The following VAV2 variants were observed in gnomAD, a reference collection of about 807,000 sequenced individuals.
VAV2 encodes vav guanine nucleotide exchange factor 2.
Under a neutral mutation model 132.5 loss-of-function variants are expected in VAV2, and 67 were observed. That is an observed-to-expected ratio of 0.51 (90% CI 0.42 to 0.62). VAV2 has a LOEUF of 0.62. Ranked by LOEUF, VAV2 falls within the 20% of genes least tolerant of loss-of-function variation. The pLI, the probability that VAV2 is intolerant of heterozygous loss-of-function variation, is 0.00. For synonymous variants in VAV2, 492 were observed against 443.5 expected (o/e 1.11, Z -1.37); for missense variants, 938 against 1,153.6 (o/e 0.81, Z 2.71).
At chr9:133,872,140 C>T (rs182229351) in intron 2 of VAV2, among the ~76,000 whole-genome samples, 9 of 152,278 alleles carry the variant, frequency 5.9e-5, no homozygotes, top group African/African-American at 1.9e-4. Context: ...TAGCTGTGAA[C>T]GGGACACTGG....
intron 4 of VAV2, among the ~76,000 whole-genome samples, chr9:133,817,918 A>G (rs559502421): frequency 6.6e-6 from 1 of 152,300 alleles, no homozygotes; most frequent in South Asian, 2.1e-4. Context: ...GCTAAGGACT[A>G]CCCAGAGAGC....
chr9:133,780,733 G>A (rs906271004), intron 19 of VAV2, 23 bp from the exon 20 acceptor site: 2 of 1,268,722 alleles, frequency 1.6e-6, no homozygotes, highest in Admixed American at 4.2e-5. Flanking sequence ...CAGGTCAGGT[G>A]TTAGAGGGGA....
At position 133,956,584 on chromosome 9, in the gene VAV2, G is replaced by A. The variant is rs77757115; in HGVS notation, c.205-17365C>T. 4.8e-3 allele frequency among the ~76,000 whole-genome samples: 730 copies of A among 152,314 alleles called. 3 individuals are homozygous for A. The highest frequency in any genetic ancestry group is 0.017 in the African/African-American group (694 of 41,558). ...AGTCCTGGGAATGTATAAAAAGCAC[G>A]CAGCCAGTTAGTTCCTGAGAAGTCA... On this transcript the variant is annotated intron_variant, in intron 1 of 29. Transcript: ENST00000371850.
intron 13 of VAV2, 145 bp downstream of exon 13, chr9:133,791,638 C>A: frequency 3.0e-6 from 2 of 674,036 alleles, no homozygotes; most frequent in Non-Finnish European, 5.2e-6. Flanking sequence ...TGAGATCAAA[C>A]TCAGAAGTTG....
rs115213135 is a variant in VAV2, at chr9:133,974,535, C to T, written c.204+17540G>A. On this transcript the variant is annotated intron_variant, in intron 1 of 29. Coordinates refer to ENST00000371850, the MANE Select transcript of VAV2 (RefSeq NM_001134398.2). Reference sequence around the variant, plus strand: ...GTGTCAGGTGTGACCACTCCACATCCACCCGGGGGACGGGGAGTGCACCAC... The same window carrying T: ...GTGTCAGGTGTGACCACTCCACATCTACCCGGGGGACGGGGAGTGCACCAC... 3.6e-3 allele frequency among the ~76,000 whole-genome samples: 554 copies of T among 152,304 alleles called. 4 individuals are homozygous for T. The highest frequency in any genetic ancestry group is 0.012 in the African/African-American group (509 of 41,566).
intron 2 of VAV2, among the ~76,000 whole-genome samples, chr9:133,880,059 T>C (rs1193665016): frequency 6.6e-6 from 1 of 151,992 alleles, no homozygotes; most frequent in African/African-American, 2.4e-5. Context: ...CATCTGGAAG[T>C]AGAGGAGAAA....
At chr9:133,967,118 T>G (rs1842168921) in intron 1 of VAV2, among the ~76,000 whole-genome samples, 2 of 151,876 alleles carry the variant, frequency 1.3e-5, no homozygotes, top group Admixed American at 1.3e-4. Flanking sequence ...ATTAAGACAT[T>G]TCTCAAAAGA....
At chr9:133,970,883 G>A (rs1203870326) in intron 1 of VAV2, among the ~76,000 whole-genome samples, 1 of 152,242 alleles carries the variant, frequency 6.6e-6, no homozygotes, top group Non-Finnish European at 1.5e-5. Context: ...CTGGTTAACA[G>A]ATGTTTCGTT....
At chr9:133,854,113 C>T (rs1373535309) in intron 3 of VAV2, among the ~76,000 whole-genome samples, 1 of 88,826 alleles carries the variant, frequency 1.1e-5, no homozygotes, top group South Asian at 3.6e-4. Context: ...ACACACATAC[C>T]CCTTGCACCT....
rs919119920 is a variant in VAV2 at position 133,919,495 on chromosome 9, C to G, written c.321+19608G>C. The stretch of plus-strand genomic sequence containing the variant: ...TCCCGGCTCCCAGCCCAGGGACTCA[C>G]TGTCCCCCGGGGCCAGGTCGGCTGG... On this transcript the variant is annotated intron_variant, in intron 2 of 29. Coordinates refer to ENST00000371850, the MANE Select transcript of VAV2 (RefSeq NM_001134398.2). The surrounding 1 kb of genome is among the most constrained non-coding windows in gnomAD (Gnocchi z 5.8). 6.6e-6 allele frequency among the ~76,000 whole-genome samples: 1 copy of G among 152,208 alleles called. No homozygotes were observed. Among genetic ancestry groups the G allele is most frequent in the Non-Finnish European group, 1.5e-5 (1 of 68,040 alleles).
intron 3 of VAV2, 169 bp downstream of exon 3, chr9:133,861,205 A>C (rs1588280794): frequency 1.7e-5 from 10 of 598,938 alleles, no homozygotes; most frequent in Admixed American, 3.8e-5. Context: ...CCCGCCCCCC[A>C]CACCCCTTCC....
chr9:133,814,466 G>A (rs1835479109), intron 4 of VAV2, among the ~76,000 whole-genome samples: 1 of 152,254 alleles, frequency 6.6e-6, no homozygotes, highest in African/African-American at 2.4e-5. Context: ...GGCGAGACAG[G>A]GAAGCTTCCA....
At position 133,768,949 on chromosome 9, in the gene VAV2, G is replaced by A. The variant is rs1359946182; in HGVS notation, c.2435-353C>T. Reference sequence around the variant, plus strand: ...CCAGATGCAGAATCCTGATAGACAGGTGACAATGACCATGGCTGAGGGCGA... The same window carrying A: ...CCAGATGCAGAATCCTGATAGACAGATGACAATGACCATGGCTGAGGGCGA... On this transcript the variant is annotated intron_variant, in intron 28 of 29. Transcript: ENST00000371850. This position sits in a 1 kb window ranked among gnomAD's most constrained non-coding sequence, Gnocchi z 5.3. Among the ~76,000 whole-genome samples the A allele has an allele frequency of 1.3e-5, 2 of 152,190 alleles. No individual in the cohort carries two copies. Among genetic ancestry groups the A allele is most frequent in the Non-Finnish European group, 2.9e-5 (2 of 68,040 alleles).
chr9:133,866,936 G>A (rs796762531), intron 2 of VAV2, among the ~76,000 whole-genome samples: 11 of 152,024 alleles, frequency 7.2e-5, no homozygotes, highest in East Asian at 1.9e-4. Context: ...ACTCCGGGCC[G>A]CACAAGTTCA....
In VAV2 at chr9:133,763,902, G is replaced by T; in HGVS notation, c.*160C>A. The T allele has an allele frequency of 1.2e-6, 1 of 849,292 alleles. No homozygotes were observed. Among genetic ancestry groups the T allele is most frequent in the Non-Finnish European group, 1.9e-6 (1 of 536,466 alleles). 52.6% of individuals were successfully genotyped at this position (849,292 alleles called of 1,614,324 possible). ...CCGAGGGCAGGCTGACAGTGAAACG[G>T]TTCGAGTTTAGGATTCTCAACACCC... On this transcript the variant is annotated 3_prime_UTR_variant, in exon 30 of 30. Coordinates refer to ENST00000371850, the MANE Select transcript of VAV2 (RefSeq NM_001134398.2). This position sits in a 1 kb window ranked among gnomAD's most constrained non-coding sequence, Gnocchi z 6.8.
chr9:133,986,298 GGGAGCATTCTGTAACCAAA>G (rs1842854999), intron 1 of VAV2, among the ~76,000 whole-genome samples: 1 of 152,190 alleles, frequency 6.6e-6, no homozygotes, highest in African/African-American at 2.4e-5. Flanking sequence ...CTGCTGATGG[GGGAGCATTCTGTAACCAAA>G]GGAGGCTGTA....
intron 3 of VAV2, among the ~76,000 whole-genome samples, chr9:133,859,094 C>A (rs551556619): frequency 3.3e-5 from 5 of 150,606 alleles, no homozygotes; most frequent in African/African-American, 1.2e-4. Flanking sequence ...ACGTGGGGGA[C>A]GGAGGGGGTG....
Position 133,895,928 on chromosome 9 carries a change from C to CT in VAV2, c.322-34497dup, listed in dbSNP as rs551480342. ...TCTTAATTGGCAGCCACACTAAAAT[C>CT]TTTTTTTTTTTTTTTTTTTTTAATT... On this transcript the variant is annotated intron_variant, in intron 2 of 29. Coordinates refer to ENST00000371850, the MANE Select transcript of VAV2 (RefSeq NM_001134398.2). Among the ~76,000 whole-genome samples, 806 of 115,196 alleles carry CT rather than the reference C, an allele frequency of 7.0e-3. 55 individuals are homozygous for CT. Among genetic ancestry groups the CT allele is most frequent in the Non-Finnish European group, 0.011 (605 of 55,098 alleles). The allele number at this position is 115,196 out of a possible 152,430, so 75.6% of individuals were successfully genotyped here. A position where few individuals can be genotyped will look rare whatever the true frequency, so the allele number is the denominator to read the frequency against.
chr9:133,932,727 C>T (rs1369159815), intron 2 of VAV2, among the ~76,000 whole-genome samples: 2 of 149,532 alleles, frequency 1.3e-5, no homozygotes, highest in Admixed American at 6.7e-5. Flanking sequence ...TGCTCTCACC[C>T]GCCTGCCTCC....
Sources: gnomAD v4.1 joint callset for allele counts (sites outside exome capture counted in the v4.1 genomes callset) on GRCh38, gnomAD v4.1.1 for gene constraint, Gnocchi (gnomAD v3.1) non-coding constraint, MANE v1.5 for transcripts, NCBI Gene and HGNC (gene_info 2026-07-23, HGNC 2026-07-21) for gene names.